Variants in VTCN1 observed in about 807,000 individuals in gnomAD.
The protein encoded by VTCN1 is V-set domain-containing T-cell activation inhibitor 1.
Under a neutral mutation model 26.5 loss-of-function variants are expected in VTCN1, and 26 were observed. The observed-to-expected ratio is 0.98, with a 90% CI of 0.72 to 1.36. The LOEUF is 1.36. Ranked by LOEUF, VTCN1 falls within the 40% of genes most tolerant of loss-of-function variation. The pLI, the probability that VTCN1 is intolerant of heterozygous loss-of-function variation, is 0.00. For synonymous variants in VTCN1, 116 were observed against 130.7 expected (o/e 0.89, Z 0.77); for missense variants, 298 against 337.7 (o/e 0.88, Z 0.92).
intron 3 of VTCN1, 96 bp from the exon 4 acceptor site, chr1:117,153,465 T>G (rs1299489409): frequency 2.4e-6 from 3 of 1,273,276 alleles, no homozygotes; most frequent in Non-Finnish European, 3.1e-6. Flanking sequence ...GCAGTCATTT[T>G]TTTTTTTTTT....
At chr1:117,179,911 C>G (rs747701325) in intron 1 of VTCN1, among the ~76,000 whole-genome samples, 10 of 152,176 alleles carry the variant, frequency 6.6e-5, no homozygotes, top group Non-Finnish European at 1.5e-4. Context: ...CCCCTGAGGA[C>G]TCAGTCCTGG....
rs1174261453 is a variant in VTCN1, at chr1:117,155,718, G to A, written c.445+856C>T. 6.6e-6 allele frequency among the ~76,000 whole-genome samples: 1 copy of A among 152,120 alleles called. No homozygotes were observed. Among genetic ancestry groups the A allele is most frequent in the Non-Finnish European group, 1.5e-5 (1 of 68,036 alleles). On this transcript the variant is annotated intron_variant, in intron 3 of 5. Transcript: ENST00000369458. This position sits in a 1 kb window ranked among gnomAD's most constrained non-coding sequence, Gnocchi z 4.8. ...TCATTGCATATGCATGTTATGAGGTGTGCAAGAAAGACCTGTGCATACTAG... is the reference window on the plus strand; with the variant it reads ...TCATTGCATATGCATGTTATGAGGTATGCAAGAAAGACCTGTGCATACTAG...
rs112075678 is a variant in VTCN1, at chr1:117,154,345, A to G, written c.446-976T>C. On this transcript the variant is annotated intron_variant, in intron 3 of 5. Coordinates refer to ENST00000369458, the MANE Select transcript of VTCN1 (RefSeq NM_024626.4). The stretch of plus-strand genomic sequence containing the variant: ...TCACAACACTCCTGTGAATACTATC[A>G]TCCCCATTAAAAAAAAATCAACTTT... Among the ~76,000 whole-genome samples, 40 of 152,258 alleles carry G rather than the reference A, an allele frequency of 2.6e-4. 1 individual carries two copies. Among genetic ancestry groups the G allele is most frequent in the African/African-American group, 9.4e-4 (39 of 41,512 alleles).
chr1:117,201,191 C>G (rs555009930), intron 1 of VTCN1, among the ~76,000 whole-genome samples: 48 of 152,240 alleles, frequency 3.2e-4, no homozygotes, highest in African/African-American at 1.1e-3. Context: ...GGAATAAGGT[C>G]CAACTTATAA....
At chr1:117,204,060 T>A (rs1462227171) in intron 1 of VTCN1, among the ~76,000 whole-genome samples, 2 of 152,206 alleles carry the variant, frequency 1.3e-5, no homozygotes, top group Non-Finnish European at 2.9e-5. Context: ...TCTGAGTCCA[T>A]TGAAATCCCA....
chr1:117,160,720 TTTGTTGTTG>T (rs546904269), intron 2 of VTCN1, among the ~76,000 whole-genome samples: 2 of 152,114 alleles, frequency 1.3e-5, no homozygotes, highest in Admixed American at 6.6e-5. Context: ...AGCAGACGTG[TTTGTTGTTG>T]TTGTTGTTGT....
rs1302361864 is a variant in VTCN1, at chr1:117,183,948, C to A, written c.33-13777G>T. Reference sequence around the variant, plus strand: ...CGCAATGGCTATGCATTCCAGGGACCAAAAGCTTCTGTCTTCAGAGCCATA... The same window carrying A: ...CGCAATGGCTATGCATTCCAGGGACAAAAAGCTTCTGTCTTCAGAGCCATA... On this transcript the variant is annotated intron_variant, in intron 1 of 5. Coordinates refer to ENST00000369458, the MANE Select transcript of VTCN1 (RefSeq NM_024626.4). The surrounding 1 kb of genome is among the most constrained non-coding windows in gnomAD (Gnocchi z 4.1). 6.6e-6 allele frequency among the ~76,000 whole-genome samples: 1 copy of A among 151,994 alleles called. No homozygotes were observed. Among genetic ancestry groups the A allele is most frequent in the Non-Finnish European group, 1.5e-5 (1 of 68,004 alleles).
intron 1 of VTCN1, among the ~76,000 whole-genome samples, chr1:117,207,529 C>T (rs1649122357): frequency 6.6e-6 from 1 of 152,072 alleles, no homozygotes. Flanking sequence ...TCCACATGCT[C>T]TCCGTAGGAG....
chr1:117,181,803 T>A (rs1647683759), intron 1 of VTCN1, among the ~76,000 whole-genome samples: 1 of 152,134 alleles, frequency 6.6e-6, no homozygotes, highest in Non-Finnish European at 1.5e-5. Context: ...GACGTGCATT[T>A]CAGCGAGGTC....
chr1:117,201,698 C>T (rs971187867), intron 1 of VTCN1, among the ~76,000 whole-genome samples: 2 of 152,152 alleles, frequency 1.3e-5, no homozygotes, highest in Non-Finnish European at 2.9e-5. Flanking sequence ...TGAGGGGGAG[C>T]TTAAAAACTT....
intron 1 of VTCN1, among the ~76,000 whole-genome samples, chr1:117,205,995 C>T (rs897584330): frequency 6.6e-6 from 1 of 152,060 alleles, no homozygotes. Flanking sequence ...TCTCACCCAC[C>T]CTGAAGCTCT....
intron 1 of VTCN1, among the ~76,000 whole-genome samples, chr1:117,182,686 T>G (rs912179767): frequency 6.6e-6 from 1 of 152,208 alleles, no homozygotes; most frequent in African/African-American, 2.4e-5. Context: ...GCCTGGAATC[T>G]GTAGTTTTCT....
intron 1 of VTCN1, among the ~76,000 whole-genome samples, chr1:117,206,801 G>A (rs1649095119): frequency 6.6e-6 from 1 of 152,132 alleles, no homozygotes; most frequent in Non-Finnish European, 1.5e-5. Flanking sequence ...AGGTGGAGAT[G>A]GGGGAAAAGC....
intron 2 of VTCN1, 175 bp from the exon 3 acceptor site, chr1:117,157,096 T>TAG: frequency 1.7e-6 from 1 of 600,380 alleles, no homozygotes; most frequent in South Asian, 2.3e-5. Flanking sequence ...CATTTTGATA[T>TAG]ATATATATAT....
chr1:117,153,461 ATTTTTTT>A (rs57126217), intron 3 of VTCN1, 92 bp from the exon 4 acceptor site: 20 of 1,117,426 alleles, frequency 1.8e-5, no homozygotes, highest in Non-Finnish European at 2.4e-5. Flanking sequence ...AAATGCAGTC[ATTTTTTT>A]TTTTTTTTTT....
At chr1:117,182,811 T>C (rs945343918) in intron 1 of VTCN1, among the ~76,000 whole-genome samples, 3 of 152,188 alleles carry the variant, frequency 2.0e-5, no homozygotes, top group Admixed American at 6.5e-5. Flanking sequence ...AGTTTTCTTC[T>C]ATAGATTTCA....
At chr1:117,172,520 G>C in intron 1 of VTCN1, 1 of 517,654 alleles carries the variant, frequency 1.9e-6, no homozygotes, top group Non-Finnish European at 3.9e-6. Context: ...CAGCCGACTT[G>C]TGTGTGGCCT....
intron 2 of VTCN1, among the ~76,000 whole-genome samples, chr1:117,163,833 T>G: frequency 6.6e-6 from 1 of 152,180 alleles, no homozygotes; most frequent in East Asian, 1.9e-4. Context: ...AAAATAAGTG[T>G]AAGAAAGGCC....
intron 1 of VTCN1, among the ~76,000 whole-genome samples, chr1:117,194,828 T>C (rs1358565391): frequency 6.6e-6 from 1 of 152,206 alleles, no homozygotes; most frequent in East Asian, 1.9e-4. Flanking sequence ...GTTACACTCA[T>C]TGAAGCAGAG....
Sources: allele counts gnomAD v4.1 joint callset (sites outside exome capture counted in the v4.1 genomes callset), GRCh38; gene constraint gnomAD v4.1.1; non-coding constraint Gnocchi (gnomAD v3.1); transcripts MANE v1.5; gene names NCBI Gene and HGNC (gene_info 2026-07-23, HGNC 2026-07-21).